TMEM114: variants seen among roughly 807,000 people sequenced by gnomAD.
TMEM114 encodes the protein transmembrane protein 114.
A neutral mutation model predicts 6.2 loss-of-function variants in TMEM114; 6 were observed. That is an observed-to-expected ratio of 0.97 (90% CI 0.53 to 1.91). TMEM114 has a LOEUF of 1.91. Ranked by LOEUF, TMEM114 falls within the 40% of genes most tolerant of loss-of-function variation. The pLI is 0.01. For missense variants in TMEM114, 218 were observed against 158.3 expected, an observed-to-expected ratio of 1.38 and a Z score of -2.02; for synonymous variants, 104 against 73.0, an observed-to-expected ratio of 1.42 and a Z score of -2.16.
intron 2 of TMEM114, among the ~76,000 whole-genome samples, chr16:8,553,574 C>G (rs111424311): frequency 1.3e-5 from 2 of 152,128 alleles, no homozygotes; most frequent in African/African-American, 4.8e-5. Flanking sequence ...CAAGCTCCAC[C>G]TCCTGGGTTC....
chr16:8,562,068 A>G (rs537238694), intron 2 of TMEM114, among the ~76,000 whole-genome samples: 3 of 143,330 alleles, frequency 2.1e-5, no homozygotes, highest in Middle Eastern at 4.1e-3. Flanking sequence ...GAGTGAGTAA[A>G]TGAGTGAGTG....
chr16:8,559,872 C>G (rs1256238231), intron 2 of TMEM114, among the ~76,000 whole-genome samples: 1 of 152,144 alleles, frequency 6.6e-6, no homozygotes, highest in African/African-American at 2.4e-5. Flanking sequence ...GCTCTTTAGA[C>G]CCCAAAGGTG....
At chr16:8,538,597 T>C (rs554500660) in intron 2 of TMEM114, among the ~76,000 whole-genome samples, 63 of 151,972 alleles carry the variant, frequency 4.1e-4, no homozygotes, top group African/African-American at 1.5e-3. Context: ...AAACTCCACA[T>C]CTTGGGTCCA....
Position 8,590,465 on chromosome 16 carries a change from C to T in TMEM114, c.-627G>A, listed in dbSNP as rs1310018419. On this transcript the variant is annotated 5_prime_UTR_variant, in exon 1 of 4. Coordinates refer to ENST00000620492, the MANE Select transcript of TMEM114 (RefSeq NM_001146336.2). The stretch of plus-strand genomic sequence containing the variant: ...CGCAGCTCCTGCTCTGGCCGGGGCG[C>T]AGCTGACCCTCTGAGCCCTCCTCCT... Among the ~76,000 whole-genome samples the T allele has an allele frequency of 2.0e-5, 3 of 152,224 alleles. No individual in the cohort carries two copies. Among genetic ancestry groups the T allele is most frequent in the African/African-American group, 7.2e-5 (3 of 41,460 alleles).
intron 2 of TMEM114, 68 bp downstream of exon 2, chr16:8,589,145 G>T: frequency 2.5e-6 from 1 of 398,186 alleles, no homozygotes; most frequent in South Asian, 1.3e-4. Context: ...CGGCTGTTTT[G>T]GGAAAGGCTC....
chr16:8,561,877 T>G (rs796747605), intron 2 of TMEM114, among the ~76,000 whole-genome samples: 29 of 102,034 alleles, frequency 2.8e-4, no homozygotes, highest in Admixed American at 1.2e-3. Context: ...AATGAGTGAG[T>G]GAATGAGTGA....
chr16:8,564,247 GAGTGAGTGAATGAGTGATGAAATA>G (rs1901429926), intron 2 of TMEM114, among the ~76,000 whole-genome samples: 1 of 8,226 alleles, frequency 1.2e-4, no homozygotes, highest in African/African-American at 3.1e-4. Flanking sequence ...GTGAATGAGT[GAGTGAGTGAATGAGTGATGAAATA>G]AGTGAATGAG....
intron 2 of TMEM114, among the ~76,000 whole-genome samples, chr16:8,554,050 T>C (rs1161208387): frequency 6.6e-6 from 1 of 152,064 alleles, no homozygotes; most frequent in Non-Finnish European, 1.5e-5. Flanking sequence ...AGTTAATTTT[T>C]GTGTTTTTTG....
chr16:8,548,983 C>T (rs3903008), intron 2 of TMEM114, among the ~76,000 whole-genome samples: 44,724 of 151,138 alleles, frequency 0.3, 6,802 homozygotes, highest in East Asian at 0.37. Flanking sequence ...GAGATCAAGA[C>T]CATCCTGGCT....
intron 2 of TMEM114, among the ~76,000 whole-genome samples, chr16:8,563,761 G>A (rs1462709828): frequency 2.1e-5 from 3 of 141,486 alleles, no homozygotes; most frequent in Non-Finnish European, 1.5e-5. Context: ...GAATAAGTGA[G>A]GGAATGAGTG....
At chr16:8,577,586 T>C (rs1901984930) in intron 2 of TMEM114, among the ~76,000 whole-genome samples, 1 of 149,460 alleles carries the variant, frequency 6.7e-6, no homozygotes, top group Non-Finnish European at 1.5e-5. Context: ...TGTTTTTTGT[T>C]TTTTGTTTTT....
In TMEM114 at chr16:8,590,402, C is replaced by G. The variant is rs964060953; in HGVS notation, c.-564G>C. Reference sequence around the variant, plus strand: ...GCCCTTTTTCTTGGCCCCACACTGCCAGATCCCCACTCCCAGCCCTGCTCT... The same window carrying G: ...GCCCTTTTTCTTGGCCCCACACTGCGAGATCCCCACTCCCAGCCCTGCTCT... On this transcript the variant is annotated 5_prime_UTR_variant, in exon 1 of 4. Transcript: ENST00000620492. Among the ~76,000 whole-genome samples, 216 of 152,338 alleles carry G rather than the reference C, an allele frequency of 1.4e-3. No homozygotes were observed. The highest frequency in any genetic ancestry group is 0.014 in the Middle Eastern group (4 of 294).
At chr16:8,550,023 C>A (rs555126690) in intron 2 of TMEM114, among the ~76,000 whole-genome samples, 1 of 152,288 alleles carries the variant, frequency 6.6e-6, no homozygotes, top group South Asian at 2.1e-4. Flanking sequence ...CCTGGCAAAC[C>A]ACTGGTGTAA....
rs375327728 is a variant in TMEM114 at position 8,561,772 on chromosome 16, A to C, written n.213-23946T>G. On this transcript the variant is annotated intron_variant and non_coding_transcript_variant, in intron 2 of 2. Coordinates refer to the TMEM114 transcript ENST00000623677. ...GAATGAATGAATGAATGAGTGAGTG[A>C]GGTAATGAGTGAATCAGTGAATAGT... Among the ~76,000 whole-genome samples the C allele has an allele frequency of 5.7e-4, 86 of 151,458 alleles. 1 individual carries two copies. Among genetic ancestry groups the C allele is most frequent in the African/African-American group, 2.0e-3 (82 of 40,896 alleles).
chr16:8,544,019 G>T (rs185606036), intron 2 of TMEM114, among the ~76,000 whole-genome samples: 2 of 152,182 alleles, frequency 1.3e-5, no homozygotes, highest in African/African-American at 4.8e-5. Context: ...GCCAGGAAGC[G>T]CAACGCTAAA....
intron 2 of TMEM114, among the ~76,000 whole-genome samples, chr16:8,553,255 A>T (rs1224525494): frequency 6.6e-6 from 1 of 152,202 alleles, no homozygotes; most frequent in African/African-American, 2.4e-5. Context: ...TTTAATGGGC[A>T]TTCTTTCATA....
downstream of TMEM114, among the ~76,000 whole-genome samples, chr16:8,564,893 GTGAGTGAA>G (rs1343664295): frequency 1.7e-4 from 6 of 36,118 alleles, no homozygotes; most frequent in Non-Finnish European, 3.3e-4. Context: ...GAATGAGTGA[GTGAGTGAA>G]TGAGTGAATG....
chr16:8,538,991 A>T (rs1180873156), intron 2 of TMEM114, among the ~76,000 whole-genome samples: 1 of 152,196 alleles, frequency 6.6e-6, no homozygotes, highest in African/African-American at 2.4e-5. Context: ...TGCCTGGAAT[A>T]AAAGGAGCTC....
chr16:8,577,131 G>A (rs1048200959), intron 2 of TMEM114, among the ~76,000 whole-genome samples: 1 of 152,216 alleles, frequency 6.6e-6, no homozygotes, highest in Admixed American at 6.5e-5. Context: ...TTGAAAAATG[G>A]AACTGGACCA....
Sources: allele counts gnomAD v4.1 joint callset (sites outside exome capture counted in the v4.1 genomes callset), GRCh38; gene constraint gnomAD v4.1.1; transcripts MANE v1.5; gene names NCBI Gene and HGNC (gene_info 2026-07-23, HGNC 2026-07-21).